Variants in STK3 observed in about 807,000 individuals in gnomAD.
STK3 encodes the protein serine/threonine-protein kinase 3.
A neutral mutation model predicts 58.0 loss-of-function variants in STK3; 41 were observed. The observed-to-expected ratio is 0.71, with a 90% CI of 0.55 to 0.92. The LOEUF is 0.92. STK3 is among the 40% of genes least tolerant of loss of function. STK3 has a pLI of 0.00. For missense variants in STK3, 479 were observed against 602.7 expected (o/e 0.79, Z 2.15); for synonymous variants, 170 against 191.0 (o/e 0.89, Z 0.91).
chr8:98,733,828 C>A (rs1277574372), intron 4 of STK3, among the ~76,000 whole-genome samples: 3 of 152,100 alleles, frequency 2.0e-5, no homozygotes, highest in African/African-American at 7.2e-5. Context: ...GTGTTTTGAA[C>A]CTTTCCATTC....
intron 8 of STK3, among the ~76,000 whole-genome samples, chr8:98,552,091 C>G (rs1395201921): frequency 6.6e-6 from 1 of 152,122 alleles, no homozygotes; most frequent in African/African-American, 2.4e-5. Context: ...TTTCTCTACT[C>G]AAATGCTTAA....
At chr8:98,393,336 G>A (rs973885239) in intron 3 of STK3, among the ~76,000 whole-genome samples, 5 of 152,084 alleles carry the variant, frequency 3.3e-5, no homozygotes, top group African/African-American at 4.8e-5. Context: ...CCTATGGATC[G>A]CCACCTCAAT....
chr8:98,836,711 C>T (rs924107036), intron 3 of STK3, among the ~76,000 whole-genome samples: 7 of 152,078 alleles, frequency 4.6e-5, no homozygotes, highest in African/African-American at 1.7e-4. Context: ...GAATCCCAGG[C>T]CCCACTATAA....
At chr8:98,616,469 T>C (rs1447513377) in intron 6 of STK3, among the ~76,000 whole-genome samples, 1 of 146,340 alleles carries the variant, frequency 6.8e-6, no homozygotes, top group East Asian at 2.0e-4. Context: ...CAATATTAAC[T>C]TTAAATGTAA....
chr8:98,702,663 A>G (rs1229093952), intron 6 of STK3, among the ~76,000 whole-genome samples: 1 of 152,204 alleles, frequency 6.6e-6, no homozygotes, highest in Non-Finnish European at 1.5e-5. Flanking sequence ...ACAAGGCAGC[A>G]CCACTGTTCT....
chr8:98,796,466 C>G (rs1301854464), intron 1 of STK3, among the ~76,000 whole-genome samples: 2 of 152,174 alleles, frequency 1.3e-5, no homozygotes, highest in Non-Finnish European at 2.9e-5. Flanking sequence ...GGACCCCTAA[C>G]TCAAGATAGA....
At chr8:98,828,437 C>CAAAAAAAAAAAAAAAAA (rs367737626), upstream of STK3, among the ~76,000 whole-genome samples, 1 of 48,578 alleles carries the variant, frequency 2.1e-5, no homozygotes, top group African/African-American at 8.9e-5. Flanking sequence ...CCCATCTCTA[C>CAAAAAAAAAAAAAAAAA]AAAAAAAAAA....
intron 1 of STK3, among the ~76,000 whole-genome samples, chr8:98,794,033 A>C (rs749498367): frequency 9.2e-5 from 14 of 152,194 alleles, no homozygotes; most frequent in Non-Finnish European, 1.6e-4. Context: ...GGGAAGCAGC[A>C]AAAAAGTATA....
intron 4 of STK3, among the ~76,000 whole-genome samples, chr8:98,736,594 A>G (rs1394026822): frequency 6.6e-6 from 1 of 152,204 alleles, no homozygotes; most frequent in Non-Finnish European, 1.5e-5. Flanking sequence ...TCAATTTTCA[A>G]GGAAATATTT....
intron 8 of STK3, among the ~76,000 whole-genome samples, chr8:98,570,153 G>A (rs1008607564): frequency 1.3e-5 from 2 of 150,622 alleles, no homozygotes; most frequent in African/African-American, 4.9e-5. Flanking sequence ...GAGATAAAGA[G>A]AGTCTCACTT....
chr8:98,475,531 C>T (rs1821240654), intron 10 of STK3, among the ~76,000 whole-genome samples: 1 of 152,160 alleles, frequency 6.6e-6, no homozygotes, highest in African/African-American at 2.4e-5. Flanking sequence ...TATTAATCCA[C>T]AATAAGGTTG....
rs539557518 is a variant in STK3, at chr8:98,699,301, G to A, written c.684+7166C>T. On this transcript the variant is annotated intron_variant, in intron 6 of 10. Transcript: ENST00000419617. ...AAAGTTTTCAACTTCTTTGCCTTTG[G>A]TTTGAATTTCCTCCTGTAGCTTGGA... Among the ~76,000 whole-genome samples, 7 of 152,204 alleles carry A rather than the reference G, an allele frequency of 4.6e-5. No individual in the cohort carries two copies. The South Asian group carries it at 1.5e-3, about 32-fold the overall frequency.
At chr8:98,679,593 T>G (rs1823478303) in intron 6 of STK3, among the ~76,000 whole-genome samples, 1 of 152,206 alleles carries the variant, frequency 6.6e-6, no homozygotes, top group South Asian at 2.1e-4. Flanking sequence ...AAGAGAAATT[T>G]TTACCTTTGT....
At chr8:98,847,707 T>TA (rs201522789) in intron 3 of STK3, among the ~76,000 whole-genome samples, 2,320 of 151,904 alleles carry the variant, frequency 0.015, 61 homozygotes, top group African/African-American at 0.052. Context: ...CCTCTTTTTT[T>TA]AAAAAAAAGG....
At chr8:98,622,984 TAAAAG>T (rs1818438563) in intron 6 of STK3, among the ~76,000 whole-genome samples, 1 of 152,000 alleles carries the variant, frequency 6.6e-6, no homozygotes, top group African/African-American at 2.4e-5. Context: ...TACATACCGA[TAAAAG>T]AAAACCCATG....
upstream of STK3, among the ~76,000 whole-genome samples, chr8:98,390,712 C>T (rs1478445271): frequency 6.6e-6 from 1 of 151,892 alleles, no homozygotes; most frequent in Non-Finnish European, 1.5e-5. Context: ...TGATAGGTCT[C>T]TAAATCTGTA....
At chr8:98,477,636 C>T (rs1821429888) in intron 10 of STK3, among the ~76,000 whole-genome samples, 1 of 140,116 alleles carries the variant, frequency 7.1e-6, no homozygotes, top group Admixed American at 8.1e-5. Context: ...GCTTGAGGGG[C>T]TTGGGAAGCT....
intron 1 of STK3, among the ~76,000 whole-genome samples, chr8:98,443,661 A>G (rs1818783323): frequency 1.3e-5 from 2 of 152,150 alleles, no homozygotes; most frequent in East Asian, 1.9e-4. Context: ...CAGCCTAGGC[A>G]ATATGGCGAA....
chr8:98,445,596 G>A (rs1818906948), intron 1 of STK3, among the ~76,000 whole-genome samples: 1 of 151,704 alleles, frequency 6.6e-6, no homozygotes, highest in Non-Finnish European at 1.5e-5. Context: ...TATGTTTTAT[G>A]CATCCTTCTT....
Sources: gnomAD v4.1 joint callset for allele counts (sites outside exome capture counted in the v4.1 genomes callset) on GRCh38, gnomAD v4.1.1 for gene constraint, MANE v1.5 for transcripts, NCBI Gene and HGNC (gene_info 2026-07-23, HGNC 2026-07-21) for gene names.